Variants in GXYLT2 observed in about 807,000 individuals in gnomAD.
GXYLT2 encodes glycosyltransferase 8 domain containing 4.
In GXYLT2, 53 loss-of-function variants were observed where a neutral mutation model predicts 45.8. The observed-to-expected ratio is 1.16, with a 90% CI of 0.93 to 1.46. The LOEUF is 1.46. Ranked by LOEUF, GXYLT2 falls within the 40% of genes most tolerant of loss-of-function variation. GXYLT2 has a pLI of 0.00. For missense variants in GXYLT2, 551 were observed against 544.4 expected, an observed-to-expected ratio of 1.01 and a Z score of -0.12; for synonymous variants, 219 against 214.2, an observed-to-expected ratio of 1.02 and a Z score of -0.19.
At chr3:72,972,592 G>A (rs1711007471) in intron 6 of GXYLT2, among the ~76,000 whole-genome samples, 1 of 135,384 alleles carries the variant, frequency 7.4e-6, no homozygotes, top group Non-Finnish European at 1.5e-5. Context: ...AGTGAGCCAA[G>A]ATCGCACCAC....
intron 2 of GXYLT2, among the ~76,000 whole-genome samples, chr3:72,918,855 A>AGATGGCAAACAGCG (rs1709783014): frequency 6.6e-6 from 1 of 152,138 alleles, no homozygotes; most frequent in African/African-American, 2.4e-5. Flanking sequence ...TAAGATACAC[A>AGATGGCAAACAGCG]GATGGCAAAC....
At chr3:72,908,196 G>A (rs565511986) in intron 1 of GXYLT2, 171 bp from the exon 2 acceptor site, 1 of 581,108 alleles carries the variant, frequency 1.7e-6, no homozygotes, top group Admixed American at 3.4e-5. Flanking sequence ...GGGAATAAAT[G>A]GTATTTTTCT....
chr3:72,947,369 GC>G (rs1364453438), intron 3 of GXYLT2, among the ~76,000 whole-genome samples: 2 of 152,084 alleles, frequency 1.3e-5, no homozygotes, highest in Non-Finnish European at 2.9e-5. Context: ...AAGGTGTAAG[GC>G]CCTGGAGCCA....
intron 1 of GXYLT2, among the ~76,000 whole-genome samples, chr3:72,906,033 A>C (rs937518265): frequency 1.3e-5 from 2 of 152,198 alleles, no homozygotes; most frequent in Non-Finnish European, 1.5e-5. Flanking sequence ...AATCATATGC[A>C]TATCCCTAAA....
rs2107048381 is a variant in GXYLT2, at chr3:72,888,174, C to G, written c.-60C>G. ...CGCGCTGCTGCACTCATCCTGCCGC[C>G]GCCGCGATGCGCAGAGGGGCCGAGC... is the stretch of plus-strand genomic sequence containing the variant. On this transcript the variant is annotated 5_prime_UTR_variant, in exon 1 of 7. Transcript: ENST00000389617. 1 of 978,766 alleles carries G rather than the reference C, an allele frequency of 1.0e-6. No homozygotes were observed. Among genetic ancestry groups the G allele is most frequent in the East Asian group, 1.2e-4 (1 of 8,676 alleles). 60.6% of individuals were successfully genotyped at this position (978,766 alleles called of 1,614,324 possible). A position where few individuals can be genotyped will look rare whatever the true frequency, so the allele number is the denominator to read the frequency against.
chr3:72,943,903 C>G (rs1044380569), intron 3 of GXYLT2, among the ~76,000 whole-genome samples: 3 of 149,680 alleles, frequency 2.0e-5, no homozygotes, highest in African/African-American at 7.4e-5. Context: ...AGGCTAGTCT[C>G]AAACTCCTGG....
chr3:72,965,368 A>G (rs931979572), intron 5 of GXYLT2, among the ~76,000 whole-genome samples: 2 of 152,182 alleles, frequency 1.3e-5, no homozygotes, highest in African/African-American at 2.4e-5. Context: ...CAGGAATGCC[A>G]TCAACCCAAT....
chr3:72,921,154 A>G (rs1709827241), intron 2 of GXYLT2, among the ~76,000 whole-genome samples: 1 of 151,622 alleles, frequency 6.6e-6, no homozygotes, highest in Non-Finnish European at 1.5e-5. Flanking sequence ...AGACAGAACC[A>G]TTCATTCAGA....
At chr3:72,898,479 A>T (rs1709337952) in intron 1 of GXYLT2, among the ~76,000 whole-genome samples, 1 of 152,234 alleles carries the variant, frequency 6.6e-6, no homozygotes, top group South Asian at 2.1e-4. Flanking sequence ...AGGAACAATC[A>T]TAAGGGAAAA....
intron 1 of GXYLT2, 58 bp from the exon 2 acceptor site, chr3:72,908,309 T>C: frequency 7.6e-7 from 1 of 1,316,886 alleles, no homozygotes; most frequent in Non-Finnish European, 1.0e-6. Context: ...GCCGGTTTTT[T>C]GTTGTTTTTA....
At chr3:72,889,255 G>A (rs1268364246) in intron 1 of GXYLT2, among the ~76,000 whole-genome samples, 1 of 152,192 alleles carries the variant, frequency 6.6e-6, no homozygotes, top group Non-Finnish European at 1.5e-5. Flanking sequence ...AGGGATTTGA[G>A]TTCATTTCCT....
chr3:72,890,153 C>T (rs1263722539), intron 1 of GXYLT2, among the ~76,000 whole-genome samples: 2 of 152,136 alleles, frequency 1.3e-5, no homozygotes, highest in African/African-American at 4.8e-5. Flanking sequence ...GCCCAGTGAT[C>T]CATCTGCCTC....
At chr3:72,947,142 T>C (rs1710427109) in intron 3 of GXYLT2, among the ~76,000 whole-genome samples, 1 of 152,172 alleles carries the variant, frequency 6.6e-6, no homozygotes, top group Non-Finnish European at 1.5e-5. Flanking sequence ...ACACCTGGCC[T>C]ATTGTTTCAA....
At chr3:72,939,484 C>T (rs1249510230) in intron 3 of GXYLT2, among the ~76,000 whole-genome samples, 1 of 152,086 alleles carries the variant, frequency 6.6e-6, no homozygotes, top group Admixed American at 6.6e-5. Flanking sequence ...TATATAGCAA[C>T]ATTATTTTCC....
rs75792066 is a variant in GXYLT2 at position 72,952,843 on chromosome 3, T to C, written c.601-2255T>C. ...AGGCCCCTTTCCAAAAGCCATCACA[T>C]TGTGGGTTAGGACTTCAACATATGA... On this transcript the variant is annotated intron_variant, in intron 3 of 6. Coordinates refer to ENST00000389617, the MANE Select transcript of GXYLT2 (RefSeq NM_001080393.2). Among the ~76,000 whole-genome samples, 1,431 of 152,154 alleles carry C rather than the reference T, an allele frequency of 9.4e-3. 7 individuals carry two copies. The highest frequency in any genetic ancestry group is 0.017 in the Non-Finnish European group (1,126 of 67,994).
intron 5 of GXYLT2, among the ~76,000 whole-genome samples, chr3:72,961,423 G>A (rs1710766225): frequency 6.6e-6 from 1 of 152,124 alleles, no homozygotes; most frequent in East Asian, 1.9e-4. Context: ...CAGGCTTCAT[G>A]AGAACTGGCC....
rs147232566 is a variant in GXYLT2 at position 72,933,410 on chromosome 3, A to G, written c.600+11075A>G. 6.4e-4 allele frequency among the ~76,000 whole-genome samples: 97 copies of G among 152,352 alleles called. No individual in the cohort carries two copies. The South Asian group carries it at 7.2e-3, about 11-fold the overall frequency. Reference sequence around the variant, plus strand: ...TGCTAATAGATGCAATAGTTCTACAACTGAAGAGTCATTATATTTCTTACG... The same window carrying G: ...TGCTAATAGATGCAATAGTTCTACAGCTGAAGAGTCATTATATTTCTTACG... On this transcript the variant is annotated intron_variant, in intron 3 of 6. Coordinates refer to ENST00000389617, the MANE Select transcript of GXYLT2 (RefSeq NM_001080393.2).
At chr3:72,954,437 T>TGTGTGTG (rs1710591828) in intron 3 of GXYLT2, among the ~76,000 whole-genome samples, 3 of 42,024 alleles carry the variant, frequency 7.1e-5, no homozygotes, top group African/African-American at 2.6e-4. Context: ...GTGTGTGTAT[T>TGTGTGTG]TGTATTTATA....
intron 5 of GXYLT2, among the ~76,000 whole-genome samples, chr3:72,962,497 A>G (rs77403273): frequency 0.015 from 2,345 of 152,298 alleles, 64 homozygotes; most frequent in African/African-American, 0.053. Context: ...GGAAAATGAG[A>G]GAAAAGAGAA....
Sources: gnomAD v4.1 joint callset for allele counts (sites outside exome capture counted in the v4.1 genomes callset) on GRCh38, gnomAD v4.1.1 for gene constraint, MANE v1.5 for transcripts, NCBI Gene and HGNC (gene_info 2026-07-23, HGNC 2026-07-21) for gene names.